The following PRKCA variants were observed in gnomAD, a reference collection of about 807,000 sequenced individuals.
PRKCA encodes the protein protein kinase C alpha, also known as protein kinase C alpha type.
In PRKCA, 27 loss-of-function variants were observed where a neutral mutation model predicts 87.0. The ratio of observed to expected loss-of-function variants is 0.31; its 90% CI spans 0.23 to 0.43. The LOEUF (loss-of-function observed/expected upper bound fraction) is 0.43. PRKCA is among the 20% of genes least tolerant of loss of function. The probability of loss-of-function intolerance (pLI) is 1.00; values close to 1 mark genes in which losing one functional copy is unlikely to be tolerated. For missense variants in PRKCA, 518 were observed against 852.3 expected (o/e 0.61, Z 4.88); for synonymous variants, 329 against 311.1 (o/e 1.06, Z -0.61).
At chr17:66,538,331 C>G (rs1338401282) in intron 3 of PRKCA, among the ~76,000 whole-genome samples, 1 of 152,170 alleles carries the variant, frequency 6.6e-6, no homozygotes, top group Non-Finnish European at 1.5e-5. Flanking sequence ...CTGCTCTGGG[C>G]TATTTATGAG....
At chr17:66,763,073 G>A (rs1469152874) in intron 13 of PRKCA, among the ~76,000 whole-genome samples, 1 of 152,244 alleles carries the variant, frequency 6.6e-6, no homozygotes, top group Admixed American at 6.5e-5. Flanking sequence ...TTACAGGCAT[G>A]AGCCACTGTG....
At chr17:66,793,130 C>T (rs1975579331) in intron 16 of PRKCA, among the ~76,000 whole-genome samples, 1 of 152,180 alleles carries the variant, frequency 6.6e-6, no homozygotes, top group African/African-American at 2.4e-5. Flanking sequence ...ACAAAACGAG[C>T]TGGTTTCGGG....
At chr17:66,741,198 G>C (rs983798093) in intron 11 of PRKCA, among the ~76,000 whole-genome samples, 1 of 152,136 alleles carries the variant, frequency 6.6e-6, no homozygotes, top group Non-Finnish European at 1.5e-5. Flanking sequence ...TCCAACACTC[G>C]CAAGGAATGA....
intron 3 of PRKCA, among the ~76,000 whole-genome samples, chr17:66,580,670 C>T (rs987761621): frequency 2.6e-5 from 4 of 152,188 alleles, no homozygotes; most frequent in African/African-American, 9.7e-5. Context: ...GCAATATTGT[C>T]AGTGTGCGGT....
chr17:66,529,994 G>A (rs1345836119), intron 3 of PRKCA, among the ~76,000 whole-genome samples: 1 of 152,178 alleles, frequency 6.6e-6, no homozygotes, highest in African/African-American at 2.4e-5. Context: ...AGTCAGGGAG[G>A]AAGTAGGATT....
intron 3 of PRKCA, among the ~76,000 whole-genome samples, chr17:66,499,118 G>A (rs1462786172): frequency 6.6e-6 from 1 of 151,816 alleles, no homozygotes. Context: ...GTCAGAAGTG[G>A]GGTATGTCCT....
At chr17:66,626,611 C>G (rs931804299) in intron 3 of PRKCA, among the ~76,000 whole-genome samples, 1 of 151,382 alleles carries the variant, frequency 6.6e-6, no homozygotes, top group African/African-American at 2.4e-5. Flanking sequence ...ACCTCGTGAT[C>G]CGCCTGCCTT....
intron 2 of PRKCA, among the ~76,000 whole-genome samples, chr17:66,426,438 TTG>T (rs1266404505): frequency 6.6e-6 from 1 of 152,138 alleles, no homozygotes; most frequent in Non-Finnish European, 1.5e-5. Context: ...AGATTTCAGG[TTG>T]TGTCAATGGT....
At chr17:66,635,815 T>G (rs1199531927) in intron 3 of PRKCA, among the ~76,000 whole-genome samples, 1 of 152,190 alleles carries the variant, frequency 6.6e-6, no homozygotes, top group Non-Finnish European at 1.5e-5. Flanking sequence ...TTAATGGTAT[T>G]GTAGCATTGT....
At chr17:66,407,192 C>A (rs1023156284) in intron 2 of PRKCA, among the ~76,000 whole-genome samples, 1 of 151,236 alleles carries the variant, frequency 6.6e-6, no homozygotes, top group Admixed American at 6.6e-5. Flanking sequence ...AGGTTTGGAT[C>A]TGTGCCCCAC....
intron 2 of PRKCA, among the ~76,000 whole-genome samples, chr17:66,434,357 TGAGCCTCA>T (rs1598667764): frequency 1.3e-5 from 2 of 152,028 alleles, no homozygotes; most frequent in East Asian, 3.9e-4. Context: ...GAAGACATCA[TGAGCCTCA>T]CAGTGCTAAG....
At chr17:66,635,973 T>C (rs1242754652) in intron 3 of PRKCA, among the ~76,000 whole-genome samples, 1 of 152,128 alleles carries the variant, frequency 6.6e-6, no homozygotes, top group Non-Finnish European at 1.5e-5. Context: ...AAAAAAAGAA[T>C]TAAAGAGATG....
intron 2 of PRKCA, among the ~76,000 whole-genome samples, chr17:66,382,629 G>A (rs966913657): frequency 6.6e-6 from 1 of 152,116 alleles, no homozygotes; most frequent in South Asian, 2.1e-4. Flanking sequence ...AAAAATATGT[G>A]TAATAATAAG....
chr17:66,398,139 A>G (rs1272351936), intron 2 of PRKCA: 2 of 152,216 alleles, frequency 1.3e-5, no homozygotes, highest in Non-Finnish European at 2.9e-5. Context: ...TTGAAATTAC[A>G]CAGCCAGGAA....
chr17:66,457,023 G>A (rs1471271218), intron 2 of PRKCA, among the ~76,000 whole-genome samples: 1 of 152,196 alleles, frequency 6.6e-6, no homozygotes, highest in Non-Finnish European at 1.5e-5. Flanking sequence ...AACCTTTTAT[G>A]TTGTAGGCCC....
rs535165603 is a variant in PRKCA, at chr17:66,562,573, T to C, written c.288+66290T>C. Reference sequence around the variant, plus strand: ...GATATTCCAGTGTATGTGAAAATAATAGCTAAGTTTTGTTTTTTTTTGTTG... The same window carrying C: ...GATATTCCAGTGTATGTGAAAATAACAGCTAAGTTTTGTTTTTTTTTGTTG... On this transcript the variant is annotated intron_variant, in intron 3 of 16. Transcript: ENST00000413366. Among the ~76,000 whole-genome samples the C allele has an allele frequency of 1.4e-4, 20 of 147,742 alleles. No individual in the cohort carries two copies. The South Asian group carries it at 4.5e-3, about 33-fold the overall frequency.
At chr17:66,402,208 A>G (rs1397331139) in intron 2 of PRKCA, among the ~76,000 whole-genome samples, 2 of 152,156 alleles carry the variant, frequency 1.3e-5, no homozygotes, top group African/African-American at 4.8e-5. Flanking sequence ...GGCAGTGTCA[A>G]GATACAAAGA....
chr17:66,552,129 C>A (rs1364400692), intron 3 of PRKCA, among the ~76,000 whole-genome samples: 1 of 152,026 alleles, frequency 6.6e-6, no homozygotes, highest in Non-Finnish European at 1.5e-5. Context: ...AAAATCCCAT[C>A]TCTAGGAAAA....
intron 14 of PRKCA, among the ~76,000 whole-genome samples, chr17:66,782,922 G>A (rs1469758700): frequency 6.6e-6 from 1 of 152,234 alleles, no homozygotes; most frequent in Non-Finnish European, 1.5e-5. Flanking sequence ...GGAGTGAGCA[G>A]TGCCACCCAA....
Sources: allele counts gnomAD v4.1 joint callset (sites outside exome capture counted in the v4.1 genomes callset), GRCh38; gene constraint gnomAD v4.1.1; transcripts MANE v1.5; gene names NCBI Gene and HGNC (gene_info 2026-07-23, HGNC 2026-07-21).